The following XYLT1 variants were observed in gnomAD, a reference collection of about 807,000 sequenced individuals.
XYLT1 encodes beta-D-xylosyltransferase 1.
XYLT1 carries 36 observed loss-of-function variants against 91.3 expected under a neutral mutation model. The observed-to-expected ratio is 0.39, with a 90% CI of 0.30 to 0.52. The LOEUF (loss-of-function observed/expected upper bound fraction) is 0.52. Among genes scored for constraint, XYLT1 ranks in the 20% least tolerant of loss-of-function variants. The pLI is 0.68. For missense variants in XYLT1, 1,242 were observed against 1,284.5 expected, an observed-to-expected ratio of 0.97 and a Z score of 0.51; for synonymous variants, 588 against 532.0, an observed-to-expected ratio of 1.11 and a Z score of -1.45.
intron 3 of XYLT1, among the ~76,000 whole-genome samples, chr16:17,258,362 A>G (rs1013516425): frequency 1.3e-5 from 2 of 151,392 alleles, no homozygotes; most frequent in African/African-American, 4.9e-5. Flanking sequence ...GGGGGAAGAG[A>G]GGAAAATAAG....
intron 2 of XYLT1, among the ~76,000 whole-genome samples, chr16:17,314,951 T>G (rs903726426): frequency 6.6e-6 from 1 of 152,128 alleles, no homozygotes; most frequent in Non-Finnish European, 1.5e-5. Context: ...CCAGGTCAAA[T>G]GCAGCCTGGT....
At chr16:17,327,361 CTTTTTT>C (rs138879762) in intron 2 of XYLT1, among the ~76,000 whole-genome samples, 3 of 108,078 alleles carry the variant, frequency 2.8e-5, no homozygotes, top group Middle Eastern at 5.1e-3. Context: ...TTTCTTTTTT[CTTTTTT>C]TTTTTTTTTT....
intron 1 of XYLT1, among the ~76,000 whole-genome samples, chr16:17,379,347 T>C (rs1212013454): frequency 1.3e-5 from 2 of 152,220 alleles, no homozygotes; most frequent in Non-Finnish European, 2.9e-5. Flanking sequence ...GATTTCTAAC[T>C]TAATCTCCAA....
intron 2 of XYLT1, among the ~76,000 whole-genome samples, chr16:17,339,019 ACAGT>A (rs971565302): frequency 1.3e-5 from 2 of 152,234 alleles, no homozygotes; most frequent in Non-Finnish European, 2.9e-5. Context: ...TCAACTATAA[ACAGT>A]CAGGAGGGAA....
At chr16:17,466,576 T>C (rs2036900069) in intron 1 of XYLT1, among the ~76,000 whole-genome samples, 1 of 152,210 alleles carries the variant, frequency 6.6e-6, no homozygotes, top group Admixed American at 6.5e-5. Context: ...GCTGGCTTCC[T>C]AGGTGAAAAA....
intron 6 of XYLT1, among the ~76,000 whole-genome samples, chr16:17,150,292 T>C (rs767258709): frequency 2.0e-5 from 3 of 152,174 alleles, no homozygotes; most frequent in Non-Finnish European, 2.9e-5. Context: ...CTGGAGTCAA[T>C]TGTTATTCCT....
chr16:17,451,207 G>A (rs1251751045), intron 1 of XYLT1, among the ~76,000 whole-genome samples: 2 of 152,170 alleles, frequency 1.3e-5, no homozygotes, highest in Non-Finnish European at 2.9e-5. Context: ...CATTAGCAGG[G>A]CTGTTGGGAA....
chr16:17,313,580 T>A (rs1197502196), intron 2 of XYLT1, among the ~76,000 whole-genome samples: 2 of 152,158 alleles, frequency 1.3e-5, no homozygotes, highest in East Asian at 3.9e-4. Flanking sequence ...TCCGTGGGAC[T>A]GTGGGTGAAT....
At position 17,247,385 on chromosome 16, in the gene XYLT1, C is replaced by A. The variant is rs114441619; in HGVS notation, c.913+11603G>T. ...AGAACTCATGGAACGCCAAGAAAAT[C>A]ATCACAAACCACCCTGCCATGGAAG... On this transcript the variant is annotated intron_variant, in intron 3 of 11. Coordinates refer to ENST00000261381, the MANE Select transcript of XYLT1 (RefSeq NM_022166.4). Among the ~76,000 whole-genome samples, 194 of 152,288 alleles carry A rather than the reference C, an allele frequency of 1.3e-3. 1 individual carries two copies. The highest frequency in any genetic ancestry group is 4.6e-3 in the African/African-American group (191 of 41,562).
chr16:17,275,609 C>T (rs2033961881), intron 2 of XYLT1, among the ~76,000 whole-genome samples: 1 of 152,176 alleles, frequency 6.6e-6, no homozygotes. Flanking sequence ...GTGCCACGCC[C>T]CTGACTCCTG....
intron 2 of XYLT1, among the ~76,000 whole-genome samples, chr16:17,306,567 T>C (rs1596474394): frequency 6.6e-6 from 1 of 151,566 alleles, no homozygotes; most frequent in African/African-American, 2.4e-5. Flanking sequence ...GATATATATA[T>C]ATATATATAT....
chr16:17,127,906 ATCACAGTGAGGC>A (rs1567284454), intron 9 of XYLT1, 45 bp from the exon 10 acceptor site: 14 of 1,572,316 alleles, frequency 8.9e-6, no homozygotes, highest in Non-Finnish European at 1.2e-5. Context: ...GGTGTGTAGG[ATCACAGTGAGGC>A]TCCCCACCCA....
chr16:17,419,826 G>T (rs754990695), intron 1 of XYLT1, among the ~76,000 whole-genome samples: 11 of 152,114 alleles, frequency 7.2e-5, no homozygotes, highest in Admixed American at 2.6e-4. Flanking sequence ...CCTTTGATTT[G>T]AGTATGGAAT....
intron 5 of XYLT1, among the ~76,000 whole-genome samples, chr16:17,183,584 T>C (rs1182287662): frequency 6.6e-6 from 1 of 152,244 alleles, no homozygotes; most frequent in South Asian, 2.1e-4. Context: ...CATACTGCGA[T>C]GCAGTAACAC....
intron 2 of XYLT1, among the ~76,000 whole-genome samples, chr16:17,345,714 G>A (rs1380914298): frequency 6.6e-6 from 1 of 152,204 alleles, no homozygotes; most frequent in Non-Finnish European, 1.5e-5. Flanking sequence ...AAGTGCTTAG[G>A]TGCCAGGCAC....
chr16:17,132,470 G>A (rs1468949181), intron 9 of XYLT1, among the ~76,000 whole-genome samples: 4 of 146,618 alleles, frequency 2.7e-5, no homozygotes, highest in African/African-American at 1.1e-4. Flanking sequence ...GTTCACTGTT[G>A]GCTGCATCAT....
intron 3 of XYLT1, among the ~76,000 whole-genome samples, chr16:17,238,884 A>G (rs547616942): frequency 2.0e-5 from 3 of 152,326 alleles, no homozygotes; most frequent in South Asian, 4.1e-4. Flanking sequence ...TGATCTCACA[A>G]TGGGGTGAGA....
intron 1 of XYLT1, among the ~76,000 whole-genome samples, chr16:17,467,581 G>A (rs1475840103): frequency 6.6e-6 from 1 of 152,178 alleles, no homozygotes; most frequent in Non-Finnish European, 1.5e-5. Flanking sequence ...TTATGGACAT[G>A]CCCTCTGACT....
In XYLT1 at chr16:17,107,055, G is replaced by C. The variant is rs952946777; in HGVS notation, c.*1640C>G. On this transcript the variant is annotated 3_prime_UTR_variant, in exon 12 of 12. Coordinates refer to ENST00000261381, the MANE Select transcript of XYLT1 (RefSeq NM_022166.4). Reference sequence around the variant, plus strand: ...CTTCAGTTAGTAAGGTAACATAATTGACAAGCTGCAAAAACAGCACCTACT... The same window carrying C: ...CTTCAGTTAGTAAGGTAACATAATTCACAAGCTGCAAAAACAGCACCTACT... 9 of 152,124 alleles carry C rather than the reference G, an allele frequency of 5.9e-5. No homozygotes were observed. Among genetic ancestry groups the C allele is most frequent in the Non-Finnish European group, 8.8e-5 (6 of 68,022 alleles). 9.4% of individuals were successfully genotyped at this position (152,124 alleles called of 1,614,324 possible).
Sources: allele counts gnomAD v4.1 joint callset (sites outside exome capture counted in the v4.1 genomes callset), GRCh38; gene constraint gnomAD v4.1.1; transcripts MANE v1.5; gene names NCBI Gene and HGNC (gene_info 2026-07-23, HGNC 2026-07-21).